PHACTR3: variants seen among roughly 807,000 people sequenced by gnomAD.
PHACTR3 encodes the protein protein phosphatase 1, regulatory subunit 123.
In PHACTR3, 16 loss-of-function variants were observed where a neutral mutation model predicts 66.8. The observed-to-expected ratio is 0.24, with a 90% CI of 0.16 to 0.36. The LOEUF is 0.36. PHACTR3 is among the 10% of genes least tolerant of loss of function. PHACTR3 has a pLI of 1.00. For missense variants in PHACTR3, 647 were observed against 719.9 expected, an observed-to-expected ratio of 0.90 and a Z score of 1.16; for synonymous variants, 323 against 292.1, an observed-to-expected ratio of 1.11 and a Z score of -1.08.
intron 1 of PHACTR3, among the ~76,000 whole-genome samples, chr20:59,708,517 G>A (rs1601155604): frequency 3.3e-5 from 5 of 152,154 alleles, no homozygotes; most frequent in Admixed American, 2.6e-4. Context: ...GCAGGCCTGG[G>A]TTCTACAGGT....
intron 1 of PHACTR3, among the ~76,000 whole-genome samples, chr20:59,610,808 A>G (rs1329109380): frequency 6.6e-6 from 1 of 152,202 alleles, no homozygotes; most frequent in Non-Finnish European, 1.5e-5. Flanking sequence ...GTAGTTCCCC[A>G]ATGAATGCTG....
At chr20:59,735,258 C>T in intron 1 of PHACTR3, among the ~76,000 whole-genome samples, 1 of 152,246 alleles carries the variant, frequency 6.6e-6, no homozygotes, top group Non-Finnish European at 1.5e-5. Flanking sequence ...AAACTGCAGG[C>T]ATGTTGATGG....
chr20:59,725,661 C>T (rs908499404), intron 1 of PHACTR3, among the ~76,000 whole-genome samples: 9 of 152,168 alleles, frequency 5.9e-5, no homozygotes. Context: ...GAAAGTGGCA[C>T]AGGGAGGCCA....
chr20:59,784,289 T>C (rs577668172), intron 7 of PHACTR3, among the ~76,000 whole-genome samples: 1 of 149,532 alleles, frequency 6.7e-6, no homozygotes, highest in African/African-American at 2.5e-5. Context: ...AACACACACA[T>C]ATGCACATAT....
At chr20:59,720,351 T>C (rs2038248257) in intron 1 of PHACTR3, among the ~76,000 whole-genome samples, 1 of 152,174 alleles carries the variant, frequency 6.6e-6, no homozygotes, top group Admixed American at 6.5e-5. Context: ...TTCACCCGGA[T>C]GGGCGTGGGA....
chr20:59,672,169 G>C (rs1056274937), intron 1 of PHACTR3, among the ~76,000 whole-genome samples: 1 of 152,194 alleles, frequency 6.6e-6, no homozygotes, highest in Admixed American at 6.5e-5. Context: ...AGAGGCCAGG[G>C]ATACTGCTAA....
At chr20:59,812,503 GC>G (rs544284613) in intron 8 of PHACTR3, among the ~76,000 whole-genome samples, 9 of 152,306 alleles carry the variant, frequency 5.9e-5, no homozygotes, top group Non-Finnish European at 1.0e-4. Context: ...TGTGCTTTAG[GC>G]AAGGCAGGCC....
intron 1 of PHACTR3, among the ~76,000 whole-genome samples, chr20:59,733,272 C>G (rs1383554545): frequency 6.6e-6 from 1 of 152,068 alleles, no homozygotes; most frequent in Non-Finnish European, 1.5e-5. Flanking sequence ...TAGGAATTTT[C>G]TAGGGGTGGA....
At chr20:59,815,970 G>C (rs2041876760) in intron 8 of PHACTR3, among the ~76,000 whole-genome samples, 1 of 152,118 alleles carries the variant, frequency 6.6e-6, no homozygotes. Flanking sequence ...GACCAGGGAG[G>C]AGGATGGTTT....
chr20:59,757,836 G>C (rs900483587), intron 4 of PHACTR3, among the ~76,000 whole-genome samples: 8 of 152,224 alleles, frequency 5.3e-5, no homozygotes, highest in African/African-American at 1.9e-4. Context: ...TGAGTGTGTG[G>C]GCACACACCT....
chr20:59,672,875 TG>T (rs1222208749), intron 1 of PHACTR3, among the ~76,000 whole-genome samples: 1 of 152,052 alleles, frequency 6.6e-6, no homozygotes, highest in African/African-American at 2.4e-5. Flanking sequence ...CCTGTGGAGG[TG>T]GGAAGAGCCT....
intron 8 of PHACTR3, among the ~76,000 whole-genome samples, chr20:59,822,834 G>C (rs148073165): frequency 6.6e-6 from 1 of 152,222 alleles, no homozygotes; most frequent in East Asian, 1.9e-4. Flanking sequence ...CAGCCGCCAG[G>C]GCAGGTGAAT....
chr20:59,768,581 T>C (rs999511472), intron 5 of PHACTR3, among the ~76,000 whole-genome samples: 53 of 152,212 alleles, frequency 3.5e-4, no homozygotes, highest in African/African-American at 1.2e-3. Context: ...CTAATCCTCA[T>C]TGTGCTTCTT....
chr20:59,638,526 A>T (rs1383932847), intron 1 of PHACTR3, among the ~76,000 whole-genome samples: 1 of 119,320 alleles, frequency 8.4e-6, no homozygotes, highest in Non-Finnish European at 1.6e-5. Context: ...GGATGGATTG[A>T]TGGATGATTG....
rs545467503 is a variant in PHACTR3 at position 59,653,447 on chromosome 20, G to A, written c.118+48315G>A. 4.6e-3 allele frequency among the ~76,000 whole-genome samples: 699 copies of A among 152,258 alleles called. 4 individuals carry two copies. Among genetic ancestry groups the A allele is most frequent in the Non-Finnish European group, 8.1e-3 (551 of 68,026 alleles). On this transcript the variant is annotated intron_variant, in intron 1 of 12. Transcript: ENST00000371015. Reference sequence around the variant, plus strand: ...ATCCACCTGCCTTGGCCTCCCAAAAGTGCTAGGATTACAGGCGTGAGCCAC... The same window carrying A: ...ATCCACCTGCCTTGGCCTCCCAAAAATGCTAGGATTACAGGCGTGAGCCAC...
intron 1 of PHACTR3, among the ~76,000 whole-genome samples, chr20:59,710,769 T>TCCCTTACC: frequency 6.6e-6 from 1 of 150,852 alleles, no homozygotes; most frequent in East Asian, 2.0e-4. Context: ...ACCATGGCTT[T>TCCCTTACC]CCCTCACCCA....
chr20:59,661,364 G>A (rs900540589), intron 1 of PHACTR3, among the ~76,000 whole-genome samples: 1 of 152,138 alleles, frequency 6.6e-6, no homozygotes, highest in African/African-American at 2.4e-5. Context: ...AGGTGGGGAA[G>A]GGGGGAGCAT....
At chr20:59,627,092 ATGAGGG>A (rs2034479651) in intron 1 of PHACTR3, 2 of 152,274 alleles carry the variant, frequency 1.3e-5, no homozygotes, top group Admixed American at 6.5e-5. Flanking sequence ...CAGCCAGGAC[ATGAGGG>A]GAGCTAATGT....
intron 2 of PHACTR3, among the ~76,000 whole-genome samples, chr20:59,747,345 G>A (rs531396160): frequency 3.3e-5 from 5 of 152,302 alleles, no homozygotes; most frequent in Admixed American, 1.3e-4. Flanking sequence ...GAGGCACTTC[G>A]CAAAGGCGAA....
Sources: allele counts gnomAD v4.1 joint callset (sites outside exome capture counted in the v4.1 genomes callset), GRCh38; gene constraint gnomAD v4.1.1; transcripts MANE v1.5; gene names NCBI Gene and HGNC (gene_info 2026-07-23, HGNC 2026-07-21).